Variants in GIGYF2 observed in about 807,000 individuals in gnomAD.
GIGYF2 encodes GRB10-interacting GYF protein 2.
A neutral mutation model predicts 208.1 loss-of-function variants in GIGYF2; 25 were observed. That is an observed-to-expected ratio of 0.12 (90% CI 0.09 to 0.17). GIGYF2 has a LOEUF of 0.17. GIGYF2 is among the 10% of genes least tolerant of loss of function. The pLI is 1.00. For missense variants in GIGYF2, 1,302 were observed against 1,579.4 expected, an observed-to-expected ratio of 0.82 and a Z score of 2.98; for synonymous variants, 534 against 543.8, an observed-to-expected ratio of 0.98 and a Z score of 0.25.
chr2:232,809,783 C>T lies in GIGYF2; in HGVS notation c.1870C>T (p.His624Tyr), dbSNP rs777171434. 2 of 1,604,566 alleles carry T rather than the reference C, an allele frequency of 1.2e-6. 1 individual carries two copies. The highest frequency in any genetic ancestry group is 2.2e-5 in the South Asian group (2 of 90,890). ...ACTCACAGCCTTATACCAGATGCAG[C>T]ACCTGCAGTACCAGCAGTTTTTAAT... ...QELTALYQMQ[H>Y]LQYQQFLIQQ... The change falls in exon 16 of 29, where the codon CAC (histidine) becomes TAC (tyrosine). Residue 624 changes from histidine (H) to tyrosine (Y), a missense_variant. Physicochemically the swap from His to Tyr is moderately conservative, Grantham distance 83. Transcript: ENST00000373563.
At chr2:232,710,782 C>T (rs1574774762) in intron 2 of GIGYF2, among the ~76,000 whole-genome samples, 1 of 150,538 alleles carries the variant, frequency 6.6e-6, no homozygotes, top group African/African-American at 2.4e-5. Context: ...TCACTGCAAC[C>T]TCCGTCTCCT....
At chr2:232,834,146 T>C (rs1701508666) in intron 22 of GIGYF2, among the ~76,000 whole-genome samples, 1 of 152,158 alleles carries the variant, frequency 6.6e-6, no homozygotes, top group African/African-American at 2.4e-5. Context: ...TGGCAGGTTC[T>C]GCATAACTTC....
At chr2:232,821,690 A>G (rs1051166132) in intron 21 of GIGYF2, among the ~76,000 whole-genome samples, 7 of 152,080 alleles carry the variant, frequency 4.6e-5, no homozygotes, top group Admixed American at 3.9e-4. Flanking sequence ...TTTAATTTTG[A>G]TGAAATCCTA....
At chr2:232,836,383 A>ATATAT (rs1701633530) in intron 22 of GIGYF2, among the ~76,000 whole-genome samples, 1 of 42,706 alleles carries the variant, frequency 2.3e-5, no homozygotes, top group Non-Finnish European at 4.4e-5. Context: ...TATAAATATA[A>ATATAT]ATATATATAA....
chr2:232,773,489 G>T (rs562863942), intron 8 of GIGYF2, among the ~76,000 whole-genome samples: 11 of 151,878 alleles, frequency 7.2e-5, no homozygotes, highest in Non-Finnish European at 1.3e-4. Flanking sequence ...TTTAATACAG[G>T]AAGCGTTTGG....
chr2:232,773,226 T>A (rs947926510), intron 8 of GIGYF2, among the ~76,000 whole-genome samples: 4 of 152,212 alleles, frequency 2.6e-5, no homozygotes, highest in Admixed American at 2.6e-4. Flanking sequence ...AGATTATTTT[T>A]AAATGTTTTA....
chr2:232,793,491 G>A (rs981217891), intron 12 of GIGYF2, among the ~76,000 whole-genome samples: 1 of 152,138 alleles, frequency 6.6e-6, no homozygotes, highest in South Asian at 2.1e-4. Context: ...AGCCTGAGAG[G>A]ATTATGGTGC....
rs1697688992 is a variant in GIGYF2, at chr2:232,735,340, AC to A, written c.41+103del. 3 of 837,472 alleles carry A rather than the reference AC, an allele frequency of 3.6e-6. No homozygotes were observed. The East Asian group carries it at 7.7e-5, about 21-fold the overall frequency. 51.9% of individuals were successfully genotyped at this position (837,472 alleles called of 1,614,324 possible). A position where few individuals can be genotyped will look rare whatever the true frequency, so the allele number is the denominator to read the frequency against. On this transcript the variant is annotated intron_variant, in intron 3 of 28. Transcript: ENST00000373563. The stretch of plus-strand genomic sequence containing the variant: ...GTTTATAAATGTGCATGTTTTTGAA[AC>A]TTTTGCTTTATGTGCCTCGCTGAAA...
At chr2:232,778,752 G>T (rs1559425223) in intron 8 of GIGYF2, among the ~76,000 whole-genome samples, 2 of 152,154 alleles carry the variant, frequency 1.3e-5, no homozygotes, top group African/African-American at 4.8e-5. Context: ...GGGATGTGGA[G>T]GTCCTGGGGG....
At position 232,858,651 on chromosome 2, in the gene GIGYF2, C is replaced by T. The variant is rs904001276; in HGVS notation, c.*1791C>T. Reference sequence around the variant, plus strand: ...TATCTGAGTGCACCTCTTGTACTCACCTTTATGGAGGCTGAGTTCTGCACT... The same window carrying T: ...TATCTGAGTGCACCTCTTGTACTCATCTTTATGGAGGCTGAGTTCTGCACT... On this transcript the variant is annotated 3_prime_UTR_variant, in exon 29 of 29. Coordinates refer to ENST00000373563, the MANE Select transcript of GIGYF2 (RefSeq NM_001103146.3). The T allele has an allele frequency of 2.3e-6, 1 of 433,374 alleles. No homozygotes were observed. Among genetic ancestry groups the T allele is most frequent in the African/African-American group, 2.1e-5 (1 of 48,760 alleles). The allele number at this position is 433,374 out of a possible 1,614,324, so 26.8% of individuals were successfully genotyped here.
intron 3 of GIGYF2, among the ~76,000 whole-genome samples, chr2:232,739,004 A>G (rs1697858892): frequency 6.6e-6 from 1 of 152,188 alleles, no homozygotes; most frequent in South Asian, 2.1e-4. Flanking sequence ...AGTTTCATTA[A>G]CAAAATAAAC....
At chr2:232,796,983 A>C (rs1700240900) in intron 14 of GIGYF2, among the ~76,000 whole-genome samples, 1 of 152,084 alleles carries the variant, frequency 6.6e-6, no homozygotes, top group Non-Finnish European at 1.5e-5. Flanking sequence ...CTGGCATCTC[A>C]GTTGGTTAAG....
intron 13 of GIGYF2, 84 bp downstream of exon 13, chr2:232,795,028 CTT>C: frequency 1.0e-6 from 1 of 1,004,628 alleles, no homozygotes; most frequent in Non-Finnish European, 1.6e-6. Flanking sequence ...AAACATAAAA[CTT>C]TTGTCACTAG....
At chr2:232,854,338 C>A (rs949795429) in intron 28 of GIGYF2, among the ~76,000 whole-genome samples, 1 of 152,100 alleles carries the variant, frequency 6.6e-6, no homozygotes, top group African/African-American at 2.4e-5. Context: ...ACAAAAATTA[C>A]AAGAATTACT....
chr2:232,788,336 T>A (rs1047388280), intron 9 of GIGYF2: 1 of 199,564 alleles, frequency 5.0e-6, no homozygotes, highest in Non-Finnish European at 1.1e-5. Flanking sequence ...TTATACCAAC[T>A]CTTCATGGCT....
At chr2:232,797,912 C>T (rs1452302229) in intron 14 of GIGYF2, among the ~76,000 whole-genome samples, 2 of 137,806 alleles carry the variant, frequency 1.5e-5, no homozygotes, top group South Asian at 2.2e-4. Flanking sequence ...ACCCAGGAGG[C>T]GGAGGTTGCT....
chr2:232,804,552 C>T (rs9808146), intron 14 of GIGYF2, among the ~76,000 whole-genome samples: 25,217 of 151,890 alleles, frequency 0.17, 2,624 homozygotes, highest in Non-Finnish European at 0.22. Context: ...AGTGCAGTGG[C>T]GCGATCTCGG....
chr2:232,790,009 G>A (rs1364373249), intron 9 of GIGYF2, among the ~76,000 whole-genome samples: 3 of 151,998 alleles, frequency 2.0e-5, no homozygotes, highest in Non-Finnish European at 4.4e-5. Flanking sequence ...AGCAGCAGAG[G>A]GTGCAGAATT....
In GIGYF2 at chr2:232,814,575, C is replaced by CG. The variant is rs977850056; in HGVS notation, c.2108-1062_2108-1061insG. Among the ~76,000 whole-genome samples, 3 of 136,096 alleles carry CG rather than the reference C, an allele frequency of 2.2e-5. No individual in the cohort carries two copies. In the Admixed American group the frequency reaches 2.2e-4, roughly 10 times the overall value. 89.3% of individuals were successfully genotyped at this position (136,096 alleles called of 152,430 possible). ...GAGACTCCACCTCAAACCCCCCCCCCCCAAAAAAAAAGTACCTTCAGGCTA... is the reference window on the plus strand; with the variant it reads ...GAGACTCCACCTCAAACCCCCCCCCCGCCAAAAAAAAAGTACCTTCAGGCTA... On this transcript the variant is annotated intron_variant, in intron 18 of 28. Transcript: ENST00000373563.
Sources: allele counts gnomAD v4.1 joint callset (sites outside exome capture counted in the v4.1 genomes callset), GRCh38; gene constraint gnomAD v4.1.1; transcripts MANE v1.5; gene names NCBI Gene and HGNC (gene_info 2026-07-23, HGNC 2026-07-21).